Variants in GSPT1 observed in about 807,000 individuals in gnomAD.
The protein encoded by GSPT1 is G1 to S phase transition 1.
Under a neutral mutation model 72.5 loss-of-function variants are expected in GSPT1, and 20 were observed. The observed-to-expected ratio is 0.28, with a 90% CI of 0.19 to 0.40. The LOEUF is 0.40. Among genes scored for constraint, GSPT1 ranks in the 10% least tolerant of loss-of-function variants. GSPT1 has a pLI of 1.00. For synonymous variants in GSPT1, 334 were observed against 293.5 expected, an observed-to-expected ratio of 1.14 and a Z score of -1.41; for missense variants, 580 against 811.9, an observed-to-expected ratio of 0.71 and a Z score of 3.47.
rs2053976909 is a variant in GSPT1, at chr16:11,871,348, A to C, written c.*1771T>G. 6.6e-6 allele frequency: 1 copy of C among 152,176 alleles called. No individual in the cohort carries two copies. The highest frequency in any genetic ancestry group is 6.6e-5 in the Admixed American group (1 of 15,262). 9.4% of individuals were successfully genotyped at this position (152,176 alleles called of 1,614,324 possible). A position where few individuals can be genotyped will look rare whatever the true frequency, so the allele number is the denominator to read the frequency against. The stretch of plus-strand genomic sequence containing the variant: ...TTTGAGAGGCTGAGGCGAGTGGATC[A>C]CTTGAGGTCAGAAGTTTGAGACCAG... On this transcript the variant is annotated 3_prime_UTR_variant, in exon 15 of 15. Coordinates refer to ENST00000434724, the MANE Select transcript of GSPT1 (RefSeq NM_002094.4).
chr16:11,902,280 G>A (rs1427767091), intron 1 of GSPT1, among the ~76,000 whole-genome samples: 4 of 149,860 alleles, frequency 2.7e-5, no homozygotes, highest in Non-Finnish European at 5.9e-5. Context: ...TACTCGGGAG[G>A]CCAAGGCAGG....
intron 1 of GSPT1, 90 bp downstream of exon 1, chr16:11,915,279 G>GCC: frequency 8.2e-7 from 1 of 1,224,792 alleles, no homozygotes; most frequent in Non-Finnish European, 1.0e-6. Flanking sequence ...TGCCGACCGG[G>GCC]CCCCAGGGCC....
chr16:11,906,563 G>T (rs988780801), intron 1 of GSPT1, among the ~76,000 whole-genome samples: 3 of 152,174 alleles, frequency 2.0e-5, no homozygotes, highest in Admixed American at 1.3e-4. Flanking sequence ...AAGCCCAGGA[G>T]GTTGAGGCCA....
rs1385437360 is a variant in GSPT1 at position 11,911,748 on chromosome 16, C to T, written c.352+3621G>A. On this transcript the variant is annotated intron_variant, in intron 1 of 14. Coordinates refer to ENST00000434724, the MANE Select transcript of GSPT1 (RefSeq NM_002094.4). Reference sequence around the variant, plus strand: ...TTATATTTTTAATAGAGACAGGTTTCGCCACGTTGGCCAGGCTGGTCTCGA... The same window carrying T: ...TTATATTTTTAATAGAGACAGGTTTTGCCACGTTGGCCAGGCTGGTCTCGA... Among the ~76,000 whole-genome samples the T allele has an allele frequency of 4.7e-5, 7 of 150,434 alleles. 1 individual carries two copies. Among genetic ancestry groups the T allele is most frequent in the South Asian group, 2.1e-4 (1 of 4,736 alleles).
At chr16:11,897,514 G>A (rs1357337313) in intron 3 of GSPT1, among the ~76,000 whole-genome samples, 1 of 152,156 alleles carries the variant, frequency 6.6e-6, no homozygotes, top group Non-Finnish European at 1.5e-5. Flanking sequence ...GAACCTGGGA[G>A]GCGGAGGTTG....
rs1441941761 is a variant in GSPT1 at position 11,915,942 on chromosome 16, C to T, written c.-222G>A. 1.3e-6 allele frequency: 1 copy of T among 747,486 alleles called. No individual in the cohort carries two copies. The highest frequency in any genetic ancestry group is 2.4e-6 in the Non-Finnish European group (1 of 411,572). The allele number at this position is 747,486 out of a possible 1,614,324, so 46.3% of individuals were successfully genotyped here. A position where few individuals can be genotyped will look rare whatever the true frequency, so the allele number is the denominator to read the frequency against. On this transcript the variant is annotated 5_prime_UTR_variant, in exon 1 of 15. Transcript: ENST00000434724. ...CGGCGGCGGCAGCTCAACCCTCCTC[C>T]TCGTGTGTGTGAGCGGATCTCCTCC...
At chr16:11,887,344 G>T (rs2054197602) in intron 7 of GSPT1, among the ~76,000 whole-genome samples, 1 of 152,100 alleles carries the variant, frequency 6.6e-6, no homozygotes, top group Non-Finnish European at 1.5e-5. Context: ...TTCTGACATG[G>T]TAATAGATAA....
chr16:11,869,998 T>TA lies in GSPT1; in HGVS notation c.*3120dup, dbSNP rs1460586350. On this transcript the variant is annotated 3_prime_UTR_variant, in exon 15 of 15. Coordinates refer to ENST00000434724, the MANE Select transcript of GSPT1 (RefSeq NM_002094.4). Reference sequence around the variant, plus strand: ...TCAAAGTCCCATATTGTGAGAGCAGTACTTGTAGTTTATGTAACCAGCAAA... The same window carrying TA: ...TCAAAGTCCCATATTGTGAGAGCAGTAACTTGTAGTTTATGTAACCAGCAAA... The TA allele has an allele frequency of 1.3e-5, 2 of 152,196 alleles. No individual in the cohort carries two copies. The highest frequency in any genetic ancestry group is 4.8e-5 in the African/African-American group (2 of 41,444). The allele number at this position is 152,196 out of a possible 1,614,324, so 9.4% of individuals were successfully genotyped here. A position where few individuals can be genotyped will look rare whatever the true frequency, so the allele number is the denominator to read the frequency against.
intron 10 of GSPT1, among the ~76,000 whole-genome samples, chr16:11,884,072 A>C (rs931427969): frequency 2.0e-5 from 3 of 152,244 alleles, no homozygotes; most frequent in Non-Finnish European, 4.4e-5. Context: ...GGAGCTAATT[A>C]AAGAATAATG....
chr16:11,893,496 C>T (rs1292989811), intron 5 of GSPT1, among the ~76,000 whole-genome samples: 2 of 151,802 alleles, frequency 1.3e-5, no homozygotes, highest in East Asian at 3.8e-4. Flanking sequence ...AAAATTGCAA[C>T]AATGTTGTCT....
chr16:11,886,788 C>G lies in GSPT1; in HGVS notation c.1101G>C (p.Trp367Cys). The G allele has an allele frequency of 6.2e-7, 1 of 1,613,648 alleles. No individual in the cohort carries two copies. The highest frequency in any genetic ancestry group is 8.5e-7 in the Non-Finnish European group (1 of 1,179,628). ...ACATCTACGCTCACCTCTCATTGCT[C>G]CAATTTACTGTTGGATCATCCATCT... ...INKMDDPTVNWSNERYEECKE... is the reference protein window; with the variant it reads ...INKMDDPTVNCSNERYEECKE... Residue 367 changes from tryptophan to cysteine, a missense_variant, in exon 8 of 15, where the codon TGG becomes TGC. Trp to Cys is a radical substitution (Grantham distance 215, BLOSUM62 -2). Coordinates refer to ENST00000434724, the MANE Select transcript of GSPT1 (RefSeq NM_002094.4).
intron 11 of GSPT1, chr16:11,881,154 TCCCA>T (rs2054117319): frequency 6.6e-6 from 1 of 152,350 alleles, no homozygotes; most frequent in Admixed American, 6.5e-5. Context: ...CACCTTGGCC[TCCCA>T]AAGTGCTGGG....
At chr16:11,899,493 G>A (rs1446870709) in intron 1 of GSPT1, among the ~76,000 whole-genome samples, 1 of 152,074 alleles carries the variant, frequency 6.6e-6, no homozygotes, top group Admixed American at 6.6e-5. Flanking sequence ...ACAACTAGGA[G>A]GGGATGGGGG....
chr16:11,894,806 C>CA lies in GSPT1; in HGVS notation c.698+147dup, dbSNP rs935369282. 86 of 564,088 alleles carry CA rather than the reference C, an allele frequency of 1.5e-4. 1 individual carries two copies. The highest frequency in any genetic ancestry group is 1.5e-3 in the African/African-American group (80 of 52,640). The allele number at this position is 564,088 out of a possible 1,614,324, so 34.9% of individuals were successfully genotyped here. A position where few individuals can be genotyped will look rare whatever the true frequency, so the allele number is the denominator to read the frequency against. ...CACCAGGCCAAAAATCACTTCTTAA[C>CA]ATCAGTATTGTGTCCCAGTAATTTT... On this transcript the variant is annotated intron_variant, in intron 5 of 14. Coordinates refer to ENST00000434724, the MANE Select transcript of GSPT1 (RefSeq NM_002094.4).
rs2054059642 is a variant in GSPT1, at chr16:11,877,211, T to G, written c.1602+196A>C. 6.6e-6 allele frequency among the ~76,000 whole-genome samples: 1 copy of G among 152,216 alleles called. No homozygotes were observed. The highest frequency in any genetic ancestry group is 2.4e-5 in the African/African-American group (1 of 41,456). ...GAATACTCCTTATCCAGTAAGCACT[T>G]GTACCAGCTTGAAGACCTTGTATGA... On this transcript the variant is annotated intron_variant, in intron 12 of 14. Coordinates refer to ENST00000434724, the MANE Select transcript of GSPT1 (RefSeq NM_002094.4). The surrounding 1 kb of genome is among the most constrained non-coding windows in gnomAD (Gnocchi z 4.0).
At chr16:11,887,483 T>C (rs1165454443) in intron 7 of GSPT1, 87 bp downstream of exon 7, 7 of 1,084,026 alleles carry the variant, frequency 6.5e-6, no homozygotes, top group Non-Finnish European at 9.7e-6. Flanking sequence ...CAACCTGAAT[T>C]TGAGCTTTTA....
chr16:11,889,860 G>C (rs931413979), intron 6 of GSPT1, among the ~76,000 whole-genome samples: 3 of 151,846 alleles, frequency 2.0e-5, no homozygotes, highest in Non-Finnish European at 2.9e-5. Context: ...GGGTGGTCTC[G>C]AACTCCTGAC....
intron 1 of GSPT1, chr16:11,908,331 T>C (rs2054513026): frequency 6.7e-6 from 1 of 148,860 alleles, no homozygotes; most frequent in African/African-American, 2.5e-5. Flanking sequence ...AGTACAAAAA[T>C]AACAGAAACA....
chr16:11,902,691 G>A (rs1567448766), intron 1 of GSPT1, among the ~76,000 whole-genome samples: 2 of 151,264 alleles, frequency 1.3e-5, no homozygotes, highest in Non-Finnish European at 2.9e-5. Context: ...GGGTTCAAGC[G>A]ATTCTCCTGC....
Sources: allele counts gnomAD v4.1 joint callset (sites outside exome capture counted in the v4.1 genomes callset), GRCh38; gene constraint gnomAD v4.1.1; non-coding constraint Gnocchi (gnomAD v3.1); transcripts MANE v1.5; gene names NCBI Gene and HGNC (gene_info 2026-07-23, HGNC 2026-07-21).